Variants in PIP4P2 observed in about 807,000 individuals in gnomAD.
The protein encoded by PIP4P2 is phosphatidylinositol-4,5-bisphosphate 4-phosphatase 2.
A neutral mutation model predicts 33.3 loss-of-function variants in PIP4P2; 19 were observed. That is an observed-to-expected ratio of 0.57 (90% CI 0.40 to 0.84). PIP4P2 has a LOEUF of 0.84. Ranked by LOEUF, PIP4P2 falls within the 40% of genes least tolerant of loss-of-function variation. The pLI is 0.00. For synonymous variants in PIP4P2, 110 were observed against 111.9 expected (o/e 0.98, Z 0.11); for missense variants, 270 against 324.7 (o/e 0.83, Z 1.29).
intron 1 of PIP4P2, among the ~76,000 whole-genome samples, chr8:91,028,023 G>A (rs1314412490): frequency 6.6e-6 from 1 of 152,170 alleles, no homozygotes; most frequent in Non-Finnish European, 1.5e-5. Context: ...TTTCAATGAG[G>A]ATGATGAAAT....
chr8:91,004,678 A>G (rs1353680737), intron 5 of PIP4P2, among the ~76,000 whole-genome samples: 1 of 152,200 alleles, frequency 6.6e-6, no homozygotes, highest in African/African-American at 2.4e-5. Context: ...TAATCAAATG[A>G]AGGTATAAGC....
chr8:91,021,337 G>A lies in PIP4P2; in HGVS notation c.174C>T (p.Cys58=), dbSNP rs756983005. The A allele has an allele frequency of 6.2e-7, 1 of 1,613,868 alleles. No homozygotes were observed. The highest frequency in any genetic ancestry group is 8.5e-7 in the Non-Finnish European group (1 of 1,179,836). The change falls in exon 2 of 7, where the codon TGC becomes TGT. Residue 58 remains cysteine (C), a synonymous_variant. Coordinates refer to ENST00000285419, the MANE Select transcript of PIP4P2 (RefSeq NM_018710.3). ...AATTGATTAGTGATTGGCACACACG[G>A]CAGTTTATTACTGGAATACCACTGG... The part of the protein sequence containing the change: ...PDASGIPVIN[C]RVCQSLINLD...
intron 3 of PIP4P2, 154 bp from the exon 4 acceptor site, chr8:91,018,667 A>T: frequency 8.5e-7 from 1 of 1,182,940 alleles, no homozygotes; most frequent in Non-Finnish European, 1.2e-6. Flanking sequence ...AAAGAGTAGC[A>T]ACAGTCAGTT....
intron 4 of PIP4P2, among the ~76,000 whole-genome samples, chr8:91,010,957 TA>T (rs5893153): frequency 1.2e-4 from 16 of 133,826 alleles, no homozygotes; most frequent in Admixed American, 2.3e-4. Flanking sequence ...AGAAGATTTG[TA>T]AAAAAAAAAA....
chr8:91,024,566 G>A (rs1812056499), intron 1 of PIP4P2, among the ~76,000 whole-genome samples: 1 of 151,982 alleles, frequency 6.6e-6, no homozygotes, highest in South Asian at 2.1e-4. Context: ...TGGGAATACA[G>A]GCATGCACCA....
Position 90,996,734 on chromosome 8 carries a change from C to T in PIP4P2, c.550G>A (p.Gly184Ser). The T allele has an allele frequency of 6.2e-7, 1 of 1,603,610 alleles. No individual in the cohort carries two copies. The part of the protein sequence containing the change: ...CPHCKKISSV[G>S]SALPRRRCCA... Reference sequence around the variant, plus strand: ...CAGCGTCTTCGTGGAAGTGCACTACCCACTGAGGAGCTGCAAATTCATGAA... The same window carrying T: ...CAGCGTCTTCGTGGAAGTGCACTACTCACTGAGGAGCTGCAAATTCATGAA... Residue 184 changes from glycine (G) to serine (S), a missense_variant, in exon 6 of 7, where the codon GGT (glycine) becomes AGT (serine). Gly to Ser is a moderately conservative substitution (Grantham distance 56). Coordinates refer to ENST00000285419, the MANE Select transcript of PIP4P2 (RefSeq NM_018710.3).
chr8:91,016,717 T>C (rs1482130955), intron 4 of PIP4P2: 1 of 152,166 alleles, frequency 6.6e-6, no homozygotes, highest in Non-Finnish European at 1.5e-5. Context: ...GAGGATGGCA[T>C]GGGATCCAAC....
At position 91,040,853 on chromosome 8, in the gene PIP4P2, T is replaced by TGCCGCTGCTGCCGCTGCAGCC. The variant is rs1447747890; in HGVS notation, c.-105_-104insGGCTGCAGCGGCAGCAGCGGC. On this transcript the variant is annotated 5_prime_UTR_variant, in exon 1 of 7. Transcript: ENST00000285419. ...CTGCTGCCGCTGCTGCCGCTGCAGC[T>TGCCGCTGCTGCCGCTGCAGCC]GCTGCTGCTGCCGCCTCCGGGAGGG... 27 of 850,426 alleles carry TGCCGCTGCTGCCGCTGCAGCC rather than the reference T, an allele frequency of 3.2e-5. No homozygotes were observed. The African/African-American group carries it at 4.6e-4, about 14-fold the overall frequency. 52.7% of individuals were successfully genotyped at this position (850,426 alleles called of 1,614,324 possible).
rs542274605 is a variant in PIP4P2, at chr8:90,993,977, T to G, written c.*1700A>C. The stretch of plus-strand genomic sequence containing the variant: ...AAGGAATATGACATAGCATATAATT[T>G]AATGTGAGCTTTCCAATCAATGAGG... On this transcript the variant is annotated 3_prime_UTR_variant, in exon 7 of 7. Transcript: ENST00000285419. The G allele has an allele frequency of 7.9e-5, 12 of 152,200 alleles. No homozygotes were observed. The highest frequency in any genetic ancestry group is 1.8e-4 in the Non-Finnish European group (12 of 68,012). 9.4% of individuals were successfully genotyped at this position (152,200 alleles called of 1,614,324 possible).
At chr8:91,003,150 C>T (rs1007087670) in intron 5 of PIP4P2, among the ~76,000 whole-genome samples, 1 of 152,138 alleles carries the variant, frequency 6.6e-6, no homozygotes, top group African/African-American at 2.4e-5. Flanking sequence ...ACAACTTGCA[C>T]AACTGTATGC....
In PIP4P2 at chr8:91,003,886, A is replaced by G. The variant is rs116666762; in HGVS notation, c.539+4857T>C. 1.7e-3 allele frequency among the ~76,000 whole-genome samples: 258 copies of G among 152,258 alleles called. 1 individual carries two copies. Among genetic ancestry groups the G allele is most frequent in the African/African-American group, 6.0e-3 (251 of 41,550 alleles). On this transcript the variant is annotated intron_variant, in intron 5 of 6. Transcript: ENST00000285419. ...AGCAGTATCTGGAAACCAAGAAAAC[A>G]AACTTTAAGGAAAAGAAACCATTGT... is the stretch of plus-strand genomic sequence containing the variant.
At chr8:91,021,137 G>T in intron 2 of PIP4P2, 119 bp downstream of exon 2, 2 of 1,181,736 alleles carry the variant, frequency 1.7e-6, no homozygotes, top group Middle Eastern at 5.6e-4. Flanking sequence ...CAGGAAAAAA[G>T]ATTACCATAT....
Position 91,020,267 on chromosome 8 carries a change from G to A in PIP4P2, c.256-4C>T. ...CTGTTGGGGGGTTTTTGATTGGCTG[G>A]ATAAGGGAAGAAAATGCAAACACAG... On this transcript the variant is annotated splice_region_variant and splice_polypyrimidine_tract_variant and intron_variant, in intron 2 of 6. Coordinates refer to ENST00000285419, the MANE Select transcript of PIP4P2 (RefSeq NM_018710.3). 5 of 1,613,224 alleles carry A rather than the reference G, an allele frequency of 3.1e-6. No homozygotes were observed. The highest frequency in any genetic ancestry group is 2.2e-5 in the East Asian group (1 of 44,840).
intron 5 of PIP4P2, among the ~76,000 whole-genome samples, chr8:91,006,344 T>G (rs1014705555): frequency 6.6e-6 from 1 of 152,212 alleles, no homozygotes; most frequent in African/African-American, 2.4e-5. Context: ...AGCTGATTTA[T>G]TCCATGTGAA....
chr8:91,003,029 T>TGGTA (rs1199373692), intron 5 of PIP4P2, among the ~76,000 whole-genome samples: 1 of 152,218 alleles, frequency 6.6e-6, no homozygotes, highest in Non-Finnish European at 1.5e-5. Flanking sequence ...GTAAACCATA[T>TGGTA]GGTACATTTA....
chr8:91,014,974 C>G (rs1460332349), intron 4 of PIP4P2, among the ~76,000 whole-genome samples: 4 of 151,932 alleles, frequency 2.6e-5, no homozygotes, highest in Non-Finnish European at 5.9e-5. Context: ...TCTCACAAAA[C>G]CAGAAAACCA....
At chr8:91,039,953 C>T (rs1458438830) in intron 1 of PIP4P2, among the ~76,000 whole-genome samples, 1 of 152,118 alleles carries the variant, frequency 6.6e-6, no homozygotes, top group Non-Finnish European at 1.5e-5. Context: ...ATTTCAATCT[C>T]ACCCAGATAT....
At chr8:91,014,513 G>A (rs1811885308) in intron 4 of PIP4P2, among the ~76,000 whole-genome samples, 1 of 152,042 alleles carries the variant, frequency 6.6e-6, no homozygotes, top group African/African-American at 2.4e-5. Context: ...AACACTGCAC[G>A]ATCACGCCTG....
chr8:91,031,839 G>GC (rs1422713243), intron 1 of PIP4P2, among the ~76,000 whole-genome samples: 17 of 152,098 alleles, frequency 1.1e-4, no homozygotes, highest in Non-Finnish European at 2.5e-4. Context: ...AGGATAACAA[G>GC]CATCTACATT....
Sources: gnomAD v4.1 joint callset for allele counts (sites outside exome capture counted in the v4.1 genomes callset) on GRCh38, gnomAD v4.1.1 for gene constraint, MANE v1.5 for transcripts, NCBI Gene and HGNC (gene_info 2026-07-23, HGNC 2026-07-21) for gene names.